The following SGCE variants were observed in gnomAD, a reference collection of about 807,000 sequenced individuals.
SGCE encodes the protein sarcoglycan epsilon.
Under a neutral mutation model 57.8 loss-of-function variants are expected in SGCE, and 26 were observed. That is an observed-to-expected ratio of 0.45 (90% CI 0.33 to 0.62). The LOEUF (loss-of-function observed/expected upper bound fraction) is 0.62. Among genes scored for constraint, SGCE ranks in the 20% least tolerant of loss-of-function variants. SGCE has a pLI of 0.02. For missense variants in SGCE, 468 were observed against 548.6 expected (o/e 0.85, Z 1.47); for synonymous variants, 183 against 189.5 (o/e 0.97, Z 0.28).
intron 5 of SGCE, among the ~76,000 whole-genome samples, chr7:94,606,168 T>C (rs1349852139): frequency 6.6e-6 from 1 of 152,104 alleles, no homozygotes; most frequent in Non-Finnish European, 1.5e-5. Flanking sequence ...AAATACCCCA[T>C]TGAAAAGACA....
At chr7:94,623,471 G>C in intron 3 of SGCE, 74 bp from the exon 4 acceptor site, 2 of 938,574 alleles carry the variant, frequency 2.1e-6, no homozygotes, top group Admixed American at 4.0e-5. Flanking sequence ...GGATTAAAAT[G>C]AAAACAAATT....
chr7:94,615,183 AC>A lies in SGCE; in HGVS notation c.662+3574del, dbSNP rs533472862. Among the ~76,000 whole-genome samples, 638 of 152,226 alleles carry A rather than the reference AC, an allele frequency of 4.2e-3. 3 individuals are homozygous for A. Among genetic ancestry groups the A allele is most frequent in the African/African-American group, 0.014 (569 of 41,542 alleles). Reference sequence around the variant, plus strand: ...AGACCAGCCTGGCCAACATGGTGAAACCCCATCTCTACTGAAAATACAAAAA... The same window carrying A: ...AGACCAGCCTGGCCAACATGGTGAAACCCATCTCTACTGAAAATACAAAAA... On this transcript the variant is annotated intron_variant, in intron 5 of 10. Transcript: ENST00000648936.
chr7:94,622,839 A>G (rs1408354490), intron 4 of SGCE, among the ~76,000 whole-genome samples: 1 of 152,134 alleles, frequency 6.6e-6, no homozygotes, highest in Non-Finnish European at 1.5e-5. Context: ...TAGGAAGGAA[A>G]TTGTACCCTA....
intron 8 of SGCE, 98 bp downstream of exon 8, chr7:94,599,599 C>G: frequency 3.2e-6 from 3 of 933,438 alleles, no homozygotes; most frequent in South Asian, 1.4e-5. Flanking sequence ...TGAAAGATGA[C>G]AAATGAAAAA....
At chr7:94,590,381 T>G (rs1245679328) in intron 9 of SGCE, 1 of 152,176 alleles carries the variant, frequency 6.6e-6, no homozygotes, top group Non-Finnish European at 1.5e-5. Context: ...CTGATTGTCA[T>G]TGTATTCTCT....
At chr7:94,596,832 AT>A (rs918713920) in intron 9 of SGCE, among the ~76,000 whole-genome samples, 12 of 152,094 alleles carry the variant, frequency 7.9e-5, no homozygotes, top group African/African-American at 2.6e-4. Context: ...TGATCATTCC[AT>A]TTTTTTGAAG....
chr7:94,619,024 C>A, intron 4 of SGCE, 68 bp from the exon 5 acceptor site: 1 of 1,156,458 alleles, frequency 8.6e-7, no homozygotes, highest in Non-Finnish European at 1.3e-6. Context: ...AACAAAAGAA[C>A]AATTTGCGAT....
chr7:94,612,393 A>G (rs1220048438), intron 5 of SGCE, among the ~76,000 whole-genome samples: 21 of 152,180 alleles, frequency 1.4e-4, no homozygotes, highest in Admixed American at 1.4e-3. Flanking sequence ...AAATGCATAT[A>G]TTTTAATCTA....
intron 5 of SGCE, among the ~76,000 whole-genome samples, chr7:94,606,291 T>C (rs1322918697): frequency 1.3e-5 from 2 of 152,208 alleles, no homozygotes; most frequent in Non-Finnish European, 2.9e-5. Context: ...GAGAAAGATA[T>C]ACTATGCTAA....
intron 5 of SGCE, among the ~76,000 whole-genome samples, chr7:94,607,811 A>G (rs975751982): frequency 2.0e-5 from 3 of 152,224 alleles, no homozygotes; most frequent in Non-Finnish European, 2.9e-5. Context: ...AATAAAAAGT[A>G]TACAGATTTG....
At chr7:94,608,622 T>C (rs1800525816) in intron 5 of SGCE, among the ~76,000 whole-genome samples, 1 of 152,082 alleles carries the variant, frequency 6.6e-6, no homozygotes, top group East Asian at 1.9e-4. Flanking sequence ...CAAAACAATA[T>C]TGAAGGAGAA....
At chr7:94,593,049 C>T (rs1169137655) in intron 9 of SGCE, among the ~76,000 whole-genome samples, 1 of 152,030 alleles carries the variant, frequency 6.6e-6, no homozygotes, top group African/African-American at 2.4e-5. Flanking sequence ...CTGATATTAA[C>T]TTTTATTAAA....
At chr7:94,617,178 C>T (rs1802058518) in intron 5 of SGCE, 1 of 152,184 alleles carries the variant, frequency 6.6e-6, no homozygotes, top group East Asian at 1.9e-4. Context: ...AGGAACCTAT[C>T]TATATTTTTA....
At chr7:94,644,327 T>C (rs1329999398) in intron 1 of SGCE, among the ~76,000 whole-genome samples, 1 of 152,206 alleles carries the variant, frequency 6.6e-6, no homozygotes, top group Non-Finnish European at 1.5e-5. Context: ...TGATTCATTT[T>C]GAGTCTTGTA....
At position 94,629,731 on chromosome 7, in the gene SGCE, A is replaced by G. The variant is rs1804372933; in HGVS notation, c.220T>C (p.Tyr74His). ...ACAAAGAACATACCAGGTTTTGGGT[A>G]AGGTGGAAATTCCCCCTTAAAATAT... is the stretch of plus-strand genomic sequence containing the variant. ...REYFKGEFPPYPKPGEISNDP... is the reference protein window; with the variant it reads ...REYFKGEFPPHPKPGEISNDP... Residue 74 changes from tyrosine to histidine, a missense_variant, in exon 2 of 11, where the codon TAC (tyrosine) becomes CAC (histidine). By Grantham distance (83) the Tyr-to-His change is moderately conservative (BLOSUM62 2). Transcript: ENST00000648936. 4 of 1,611,074 alleles carry G rather than the reference A, an allele frequency of 2.5e-6. No homozygotes were observed. The highest frequency in any genetic ancestry group is 3.4e-6 in the Non-Finnish European group (4 of 1,177,810).
chr7:94,613,204 GCTT>G (rs1349346150), intron 5 of SGCE, among the ~76,000 whole-genome samples: 1 of 152,138 alleles, frequency 6.6e-6, no homozygotes, highest in Non-Finnish European at 1.5e-5. Context: ...TATATTTATG[GCTT>G]CTTTTGTAGA....
intron 5 of SGCE, among the ~76,000 whole-genome samples, chr7:94,604,860 A>ATATAT (rs1799867369): frequency 1.6e-5 from 1 of 63,484 alleles, no homozygotes; most frequent in Non-Finnish European, 3.4e-5. Context: ...TATATATATA[A>ATATAT]TAGTTGTTAT....
At chr7:94,654,546 G>C (rs1183525244) in intron 1 of SGCE, among the ~76,000 whole-genome samples, 1 of 152,168 alleles carries the variant, frequency 6.6e-6, no homozygotes, top group Non-Finnish European at 1.5e-5. Flanking sequence ...CTTCTAAAAA[G>C]TATAATTGTG....
chr7:94,611,934 A>G (rs1382295250), intron 5 of SGCE, among the ~76,000 whole-genome samples: 3 of 152,224 alleles, frequency 2.0e-5, no homozygotes, highest in Non-Finnish European at 4.4e-5. Flanking sequence ...AAAATTCAGA[A>G]CAAAAGTAGA....
Sources: allele counts gnomAD v4.1 joint callset (sites outside exome capture counted in the v4.1 genomes callset), GRCh38; gene constraint gnomAD v4.1.1; transcripts MANE v1.5; gene names NCBI Gene and HGNC (gene_info 2026-07-23, HGNC 2026-07-21).